The following NTNG1 variants were observed in gnomAD, a reference collection of about 807,000 sequenced individuals.
NTNG1 encodes netrin-G1.
NTNG1 carries 16 observed loss-of-function variants against 54.0 expected under a neutral mutation model. The observed-to-expected ratio is 0.30, with a 90% CI of 0.20 to 0.45. The LOEUF is 0.45. NTNG1 is among the 20% of genes least tolerant of loss of function. The pLI is 1.00. For missense variants in NTNG1, 530 were observed against 678.7 expected (o/e 0.78, Z 2.43); for synonymous variants, 255 against 263.1 (o/e 0.97, Z 0.30).
chr1:107,141,937 G>C (rs1055710526), intron 1 of NTNG1, among the ~76,000 whole-genome samples: 46 of 152,230 alleles, frequency 3.0e-4, no homozygotes, highest in African/African-American at 1.0e-3. Context: ...TTGGGGATCT[G>C]GTGGCCACAT....
At chr1:107,326,017 A>C (rs10881462) in intron 3 of NTNG1, among the ~76,000 whole-genome samples, 6 of 151,870 alleles carry the variant, frequency 4.0e-5, no homozygotes, top group Non-Finnish European at 7.4e-5. Context: ...GAAGTGTTGA[A>C]ACTTTCTGGT....
intron 2 of NTNG1, among the ~76,000 whole-genome samples, chr1:107,188,392 A>G (rs1280603333): frequency 6.6e-6 from 1 of 152,116 alleles, no homozygotes; most frequent in East Asian, 1.9e-4. Context: ...CCCAGATGCT[A>G]CAGCTCTTCA....
At chr1:107,283,675 T>C (rs1665012082) in intron 2 of NTNG1, among the ~76,000 whole-genome samples, 1 of 152,204 alleles carries the variant, frequency 6.6e-6, no homozygotes. Flanking sequence ...TTTTATCTTT[T>C]CAATCCAATT....
At chr1:107,440,530 G>C (rs550582801) in intron 7 of NTNG1, among the ~76,000 whole-genome samples, 1 of 152,240 alleles carries the variant, frequency 6.6e-6, no homozygotes, top group African/African-American at 2.4e-5. Flanking sequence ...TAATGAATGT[G>C]GACCTCGTAG....
At chr1:107,471,528 C>T (rs747574653) in intron 7 of NTNG1, among the ~76,000 whole-genome samples, 1 of 152,202 alleles carries the variant, frequency 6.6e-6, no homozygotes, top group Non-Finnish European at 1.5e-5. Context: ...CAGCCCCTCC[C>T]TGCTACTCTG....
chr1:107,283,556 A>G (rs1381042417), intron 2 of NTNG1, among the ~76,000 whole-genome samples: 2 of 152,188 alleles, frequency 1.3e-5, no homozygotes, highest in Non-Finnish European at 1.5e-5. Context: ...GTATTTAATG[A>G]TTACCTTGTA....
At chr1:107,395,499 T>C in intron 4 of NTNG1, 173 bp downstream of exon 4, 1 of 761,078 alleles carries the variant, frequency 1.3e-6, no homozygotes, top group Non-Finnish European at 2.4e-6. Context: ...TTTAGCACTC[T>C]GATCATCAGT....
intron 2 of NTNG1, among the ~76,000 whole-genome samples, chr1:107,249,793 A>G (rs1161487812): frequency 6.6e-6 from 1 of 152,262 alleles, no homozygotes; most frequent in African/African-American, 2.4e-5. Flanking sequence ...CCTGTAAAAT[A>G]AAAACTATGG....
intron 4 of NTNG1, among the ~76,000 whole-genome samples, chr1:107,395,973 G>A (rs879854157): frequency 1.1e-4 from 17 of 152,100 alleles, no homozygotes; most frequent in African/African-American, 3.6e-4. Flanking sequence ...AGCATTATCC[G>A]CGTTTACAGA....
intron 2 of NTNG1, among the ~76,000 whole-genome samples, chr1:107,242,343 A>C (rs530332915): frequency 8.6e-5 from 13 of 151,760 alleles, no homozygotes; most frequent in East Asian, 1.9e-4. Flanking sequence ...CTCTCTCTTT[A>C]TCTCTCTCTC....
intron 2 of NTNG1, among the ~76,000 whole-genome samples, chr1:107,268,924 C>T (rs1242988023): frequency 2.0e-5 from 3 of 152,182 alleles, no homozygotes; most frequent in African/African-American, 2.4e-5. Flanking sequence ...GCCAACCCTC[C>T]AAGCCATTGT....
intron 3 of NTNG1, among the ~76,000 whole-genome samples, chr1:107,354,430 C>T (rs1669815904): frequency 7.6e-6 from 1 of 131,682 alleles, no homozygotes; most frequent in Non-Finnish European, 1.5e-5. Flanking sequence ...GATTGTGCCA[C>T]TGCACTCCAG....
At chr1:107,157,571 A>T (rs1348347756) in intron 2 of NTNG1, among the ~76,000 whole-genome samples, 2 of 152,198 alleles carry the variant, frequency 1.3e-5, no homozygotes, top group Non-Finnish European at 2.9e-5. Flanking sequence ...AAATTATCTT[A>T]TTCCCACCAT....
chr1:107,418,971 T>C (rs571583042), intron 5 of NTNG1, among the ~76,000 whole-genome samples: 21 of 152,130 alleles, frequency 1.4e-4, no homozygotes, highest in African/African-American at 5.1e-4. Flanking sequence ...GGCACAGGCA[T>C]CCTTTCAATG....
At chr1:107,288,082 T>A (rs992028827) in intron 2 of NTNG1, among the ~76,000 whole-genome samples, 1 of 152,038 alleles carries the variant, frequency 6.6e-6, no homozygotes. Context: ...ATAAAGATCA[T>A]TACAATTATC....
In NTNG1 at chr1:107,205,163, C is replaced by T. The variant is rs142527568; in HGVS notation, c.246+56324C>T. On this transcript the variant is annotated intron_variant, in intron 2 of 7. Transcript: ENST00000370068. ...ACACTCAACCTCCAAATTCAAGCTA[C>T]TTCGAAGTTTCAACCTCCAAAAATT... Among the ~76,000 whole-genome samples the T allele has an allele frequency of 3.2e-3, 490 of 152,300 alleles. 2 individuals are homozygous for T. Among genetic ancestry groups the T allele is most frequent in the African/African-American group, 0.011 (472 of 41,568 alleles).
chr1:107,175,004 T>G (rs188387745), intron 2 of NTNG1, among the ~76,000 whole-genome samples: 36 of 152,306 alleles, frequency 2.4e-4, no homozygotes, highest in Admixed American at 9.2e-4. Flanking sequence ...TGTATGATTC[T>G]TGAATGCCTT....
At chr1:107,153,350 C>T (rs966270380) in intron 2 of NTNG1, among the ~76,000 whole-genome samples, 1 of 152,134 alleles carries the variant, frequency 6.6e-6, no homozygotes, top group Non-Finnish European at 1.5e-5. Flanking sequence ...ATCAATTTTC[C>T]AAAAACTGGA....
intron 4 of NTNG1, among the ~76,000 whole-genome samples, chr1:107,405,344 A>G (rs1017414743): frequency 1.3e-5 from 2 of 152,208 alleles, no homozygotes; most frequent in African/African-American, 4.8e-5. Context: ...CAGCAGAGGA[A>G]TAGAAAAAAT....
Sources: allele counts gnomAD v4.1 joint callset (sites outside exome capture counted in the v4.1 genomes callset), GRCh38; gene constraint gnomAD v4.1.1; transcripts MANE v1.5; gene names NCBI Gene and HGNC (gene_info 2026-07-23, HGNC 2026-07-21).